The following PCNX4 variants were observed in gnomAD, a reference collection of about 807,000 sequenced individuals.
PCNX4 encodes pecanex-like protein 4.
PCNX4 carries 103 observed loss-of-function variants against 107.2 expected under a neutral mutation model. That is an observed-to-expected ratio of 0.96 (90% CI 0.82 to 1.13). PCNX4 has a LOEUF of 1.13. PCNX4 is among the 50% of genes most tolerant of loss of function. PCNX4 has a pLI of 0.00. For synonymous variants in PCNX4, 541 were observed against 481.7 expected (o/e 1.12, Z -1.61); for missense variants, 1,528 against 1,379.4 (o/e 1.11, Z -1.71).
At chr14:60,104,318 CAA>C (rs200434027) in intron 1 of PCNX4, among the ~76,000 whole-genome samples, 125 of 129,416 alleles carry the variant, frequency 9.7e-4, no homozygotes, top group African/African-American at 4.0e-3. Flanking sequence ...GACTCCATCT[CAA>C]AAAAAAAAAA....
intron 7 of PCNX4, among the ~76,000 whole-genome samples, chr14:60,119,183 G>A (rs1323672899): frequency 2.6e-5 from 4 of 152,144 alleles, no homozygotes; most frequent in African/African-American, 9.7e-5. Flanking sequence ...AAAAACTTCG[G>A]TCAGTGATCA....
chr14:60,094,967 C>T (rs1895395273), intron 1 of PCNX4, among the ~76,000 whole-genome samples: 1 of 152,108 alleles, frequency 6.6e-6, no homozygotes, highest in South Asian at 2.1e-4. Context: ...AGACTTCATT[C>T]ACCTGATACT....
chr14:60,144,918 T>C lies in PCNX4; in HGVS notation c.*10697T>C, dbSNP rs1896359434. ...AAGCATAAGAAGATTGCTGTTTTCA[T>C]GTTTTCCATTTCTCCCTCCAGTGGC... On this transcript the variant is annotated 3_prime_UTR_variant, in exon 11 of 11. Coordinates refer to ENST00000406854, the MANE Select transcript of PCNX4 (RefSeq NM_001330177.2). The C allele has an allele frequency of 1.4e-6, 2 of 1,474,136 alleles. No homozygotes were observed. Among genetic ancestry groups the C allele is most frequent in the Non-Finnish European group, 9.5e-7 (1 of 1,056,210 alleles). 91.3% of individuals were successfully genotyped at this position (1,474,136 alleles called of 1,614,324 possible).
At position 60,145,482 on chromosome 14, in the gene PCNX4, A is replaced by G. The variant is rs969094303; in HGVS notation, c.*11261A>G. ...CAGATCACCTGAGGTCAGGAGTTAGAGACCAGCCTGGCAAAACCCCATCTC... is the reference window on the plus strand; with the variant it reads ...CAGATCACCTGAGGTCAGGAGTTAGGGACCAGCCTGGCAAAACCCCATCTC... On this transcript the variant is annotated 3_prime_UTR_variant, in exon 11 of 11. Coordinates refer to ENST00000406854, the MANE Select transcript of PCNX4 (RefSeq NM_001330177.2). This position sits in a 1 kb window ranked among gnomAD's most constrained non-coding sequence, Gnocchi z 4.0. The G allele has an allele frequency of 2.0e-5, 3 of 152,374 alleles. No homozygotes were observed. Among genetic ancestry groups the G allele is most frequent in the Admixed American group, 6.5e-5 (1 of 15,268 alleles). 9.4% of individuals were successfully genotyped at this position (152,374 alleles called of 1,614,324 possible).
intron 1 of PCNX4, among the ~76,000 whole-genome samples, chr14:60,096,840 T>G (rs1358108674): frequency 6.6e-6 from 1 of 152,178 alleles, no homozygotes; most frequent in African/African-American, 2.4e-5. Context: ...TCAATACCAA[T>G]TTAAAAGGCC....
chr14:60,129,098 C>A (rs987612410), intron 10 of PCNX4, among the ~76,000 whole-genome samples: 3 of 151,920 alleles, frequency 2.0e-5, no homozygotes, highest in Middle Eastern at 6.8e-3. Context: ...TGCCTGTAAT[C>A]CCAGCTACTC....
intron 10 of PCNX4, among the ~76,000 whole-genome samples, chr14:60,133,430 G>A (rs1195448382): frequency 2.0e-5 from 3 of 152,136 alleles, no homozygotes; most frequent in Non-Finnish European, 4.4e-5. Context: ...CTTAGGGAAT[G>A]GTCAGTGAGG....
chr14:60,148,129 T>A lies in PCNX4; in HGVS notation c.*13908T>A, dbSNP rs1654555656. ...TGACCCAGTCTGATAACCTTTTATG[T>A]CTCTTAAGCATTTTGTTGTGTTTGT... On this transcript the variant is annotated 3_prime_UTR_variant, in exon 11 of 11. Transcript: ENST00000406854. This position sits in a 1 kb window ranked among gnomAD's most constrained non-coding sequence, Gnocchi z 4.8. 1 of 152,248 alleles carries A rather than the reference T, an allele frequency of 6.6e-6. No homozygotes were observed. The highest frequency in any genetic ancestry group is 2.4e-5 in the African/African-American group (1 of 41,468). 9.4% of individuals were successfully genotyped at this position (152,248 alleles called of 1,614,324 possible). A position where few individuals can be genotyped will look rare whatever the true frequency, so the allele number is the denominator to read the frequency against.
chr14:60,148,100 G>A lies in PCNX4; in HGVS notation c.*13879G>A, dbSNP rs1394206293. ...TTTCACACTCTGGACATTTTAGTGTGTCATGACCCAGTCTGATAACCTTTT... is the reference window on the plus strand; with the variant it reads ...TTTCACACTCTGGACATTTTAGTGTATCATGACCCAGTCTGATAACCTTTT... On this transcript the variant is annotated 3_prime_UTR_variant, in exon 11 of 11. Coordinates refer to ENST00000406854, the MANE Select transcript of PCNX4 (RefSeq NM_001330177.2). This position sits in a 1 kb window ranked among gnomAD's most constrained non-coding sequence, Gnocchi z 4.8. 1.3e-5 allele frequency: 2 copies of A among 152,164 alleles called. No homozygotes were observed. Among genetic ancestry groups the A allele is most frequent in the Non-Finnish European group, 2.9e-5 (2 of 68,018 alleles). The allele number at this position is 152,164 out of a possible 1,614,324, so 9.4% of individuals were successfully genotyped here.
chr14:60,118,520 A>C lies in PCNX4; in HGVS notation c.1770A>C (p.Leu590Phe). ...TTTCTACACTACTCTCTTCTCCCTTACTCCCTCTTTTCACCCTTCCTGTGT... is the reference window on the plus strand; with the variant it reads ...TTTCTACACTACTCTCTTCTCCCTTCCTCCCTCTTTTCACCCTTCCTGTGT... Reference protein sequence around the residue: ...IVFSTLLSSPLLPLFTLPVFL... With the variant: ...IVFSTLLSSPFLPLFTLPVFL... The change falls in exon 7 of 11, where the codon TTA becomes TTC. Residue 590 changes from leucine (L) to phenylalanine (F), a missense_variant. Coordinates refer to ENST00000406854, the MANE Select transcript of PCNX4 (RefSeq NM_001330177.2). 6.2e-7 allele frequency: 1 copy of C among 1,611,620 alleles called. No individual in the cohort carries two copies. The highest frequency in any genetic ancestry group is 8.5e-7 in the Non-Finnish European group (1 of 1,178,926).
chr14:60,119,009 A>C (rs939827687), intron 7 of PCNX4, among the ~76,000 whole-genome samples: 1 of 152,184 alleles, frequency 6.6e-6, no homozygotes. Flanking sequence ...TTCCCCGAAG[A>C]TTTTCATGAA....
In PCNX4 at chr14:60,145,184, C is replaced by A; in HGVS notation, c.*10963C>A. On this transcript the variant is annotated 3_prime_UTR_variant, in exon 11 of 11. Transcript: ENST00000406854. This position sits in a 1 kb window ranked among gnomAD's most constrained non-coding sequence, Gnocchi z 4.0. ...GAATTTAAAAATCATAGCCAAAATTCTAGATGTACACAAAAGTACTTCTAA... is the reference window on the plus strand; with the variant it reads ...GAATTTAAAAATCATAGCCAAAATTATAGATGTACACAAAAGTACTTCTAA... 1 of 485,582 alleles carries A rather than the reference C, an allele frequency of 2.1e-6. No homozygotes were observed. Among genetic ancestry groups the A allele is most frequent in the South Asian group, 4.6e-5 (1 of 21,524 alleles). The allele number at this position is 485,582 out of a possible 1,614,324, so 30.1% of individuals were successfully genotyped here.
rs1896224397 is a variant in PCNX4, at chr14:60,135,243, T to C, written c.*1022T>C. On this transcript the variant is annotated 3_prime_UTR_variant, in exon 11 of 11. Transcript: ENST00000406854. ...GTATTCTCCTTAGAAATCATTCAAA[T>C]TATATGAAATGTACCAGTTAAGTTG... is the stretch of plus-strand genomic sequence containing the variant. 6.6e-6 allele frequency: 1 copy of C among 152,212 alleles called. No homozygotes were observed. Among genetic ancestry groups the C allele is most frequent in the Non-Finnish European group, 1.5e-5 (1 of 68,034 alleles). 9.4% of individuals were successfully genotyped at this position (152,212 alleles called of 1,614,324 possible).
At chr14:60,099,439 T>C (rs1895488588) in intron 1 of PCNX4, among the ~76,000 whole-genome samples, 1 of 152,230 alleles carries the variant, frequency 6.6e-6, no homozygotes, top group Admixed American at 6.5e-5. Context: ...TAATTTTGTT[T>C]AGGTTATTTA....
In PCNX4 at chr14:60,124,514, T is replaced by C. The variant is rs749342167; in HGVS notation, c.2343T>C (p.Asn781=). 64 of 1,613,658 alleles carry C rather than the reference T, an allele frequency of 4.0e-5. No homozygotes were observed. The highest frequency in any genetic ancestry group is 5.2e-5 in the Non-Finnish European group (61 of 1,179,758). The change falls in exon 9 of 11, where the codon AAT becomes AAC. Residue 781 remains asparagine (N), a synonymous_variant. Transcript: ENST00000406854. ...YCSKRPGMKE[N]VHNTENKGKA... is the part of the protein sequence containing the mutation. ...CCAAAAGGCCTGGCATGAAAGAGAA[T>C]GTTCACAACACTGAAAATAAAGGGA...
chr14:60,124,806 G>C lies in PCNX4; in HGVS notation c.2635G>C (p.Val879Leu), dbSNP rs536730543. Residue 879 changes from valine (V) to leucine (L), a missense_variant, in exon 9 of 11, where the codon GTT becomes CTT. Physicochemically the swap from Val to Leu is conservative, Grantham distance 32. Transcript: ENST00000406854. The part of the protein sequence containing the change: ...TVPENDLYKA[V>L]LLGYPAVDKG... ...TCCTGAAAACGATCTTTACAAAGCAGTTCTATTAGGATACCCTGCTGTTGA... is the reference window on the plus strand; with the variant it reads ...TCCTGAAAACGATCTTTACAAAGCACTTCTATTAGGATACCCTGCTGTTGA... 31 of 1,613,718 alleles carry C rather than the reference G, an allele frequency of 1.9e-5. No individual in the cohort carries two copies. In the South Asian group the frequency reaches 2.7e-4, roughly 14 times the overall value.
chr14:60,129,650 T>C (rs528626740), intron 10 of PCNX4, among the ~76,000 whole-genome samples: 5 of 152,342 alleles, frequency 3.3e-5, no homozygotes, highest in Non-Finnish European at 1.5e-5. Context: ...GTGATAATTA[T>C]AACTATGTAC....
At chr14:60,101,504 A>T (rs1319219288) in intron 1 of PCNX4, among the ~76,000 whole-genome samples, 2 of 152,322 alleles carry the variant, frequency 1.3e-5, no homozygotes, top group African/African-American at 4.8e-5. Context: ...TACAACAAAA[A>T]TATAGTTGAG....
Position 60,140,347 on chromosome 14 carries a change from C to G in PCNX4, c.*6126C>G, listed in dbSNP as rs1896292940. On this transcript the variant is annotated 3_prime_UTR_variant, in exon 11 of 11. Transcript: ENST00000406854. The surrounding 1 kb of genome is among the most constrained non-coding windows in gnomAD (Gnocchi z 4.2). ...TTCCCTATCTGCTAAAGAAGTGGAACCTATAGTTACTTTATTTGCTTTTCC... is the reference window on the plus strand; with the variant it reads ...TTCCCTATCTGCTAAAGAAGTGGAAGCTATAGTTACTTTATTTGCTTTTCC... 6.6e-6 allele frequency: 1 copy of G among 152,036 alleles called. No individual in the cohort carries two copies. Among genetic ancestry groups the G allele is most frequent in the Admixed American group, 6.6e-5 (1 of 15,250 alleles). 9.4% of individuals were successfully genotyped at this position (152,036 alleles called of 1,614,324 possible).
Sources: allele counts gnomAD v4.1 joint callset (sites outside exome capture counted in the v4.1 genomes callset), GRCh38; gene constraint gnomAD v4.1.1; non-coding constraint Gnocchi (gnomAD v3.1); transcripts MANE v1.5; gene names NCBI Gene and HGNC (gene_info 2026-07-23, HGNC 2026-07-21).